The following ZNF679 variants were observed in gnomAD, a reference collection of about 807,000 sequenced individuals.
The protein encoded by ZNF679 is hypothetical protein MGC42415.
ZNF679 carries 10 observed loss-of-function variants against 13.4 expected under a neutral mutation model. The observed-to-expected ratio is 0.75, with a 90% CI of 0.46 to 1.27. ZNF679 has a LOEUF of 1.27. Ranked by LOEUF, ZNF679 falls within the 50% of genes most tolerant of loss-of-function variation. The pLI, the probability that ZNF679 is intolerant of heterozygous loss-of-function variation, is 0.00. For missense variants in ZNF679, 525 were observed against 477.8 expected, an observed-to-expected ratio of 1.10 and a Z score of -0.92; for synonymous variants, 179 against 162.5, an observed-to-expected ratio of 1.10 and a Z score of -0.77.
At chr7:64,245,782 G>T (rs1273262055) in intron 1 of ZNF679, among the ~76,000 whole-genome samples, 2 of 152,184 alleles carry the variant, frequency 1.3e-5, no homozygotes, top group African/African-American at 4.8e-5. Flanking sequence ...CGAGGTGGTG[G>T]ATCAGCTGAG....
Position 64,249,065 on chromosome 7 carries a change from T to C in ZNF679, c.-53T>C, listed in dbSNP as rs921314447. The C allele has an allele frequency of 4.0e-5, 64 of 1,612,762 alleles. 1 individual carries two copies. The highest frequency in any genetic ancestry group is 2.7e-4 in the South Asian group (25 of 90,996). On this transcript the variant is annotated 5_prime_UTR_variant, in exon 2 of 5. Coordinates refer to ENST00000421025, the MANE Select transcript of ZNF679 (RefSeq NM_153363.3). ...TCTCTTCACTGCTCTGCGTCCTCTG[T>C]TCCTAGAGGCCAAGCCACTGTGGCC...
rs774179783 is a variant in ZNF679 at position 64,257,804 on chromosome 7, T to C, written c.40-2417T>C. ...AAATGTAGTGGGTGTAAGGGACTCT[T>C]TGCTGTGCCTGCTTTCTCTCGCTAA... On this transcript the variant is annotated intron_variant, in intron 2 of 4. Coordinates refer to ENST00000421025, the MANE Select transcript of ZNF679 (RefSeq NM_153363.3). Among the ~76,000 whole-genome samples, 22 of 152,332 alleles carry C rather than the reference T, an allele frequency of 1.4e-4. No individual in the cohort carries two copies. The Middle Eastern group carries it at 0.014, about 94-fold the overall frequency.
intron 4 of ZNF679, among the ~76,000 whole-genome samples, chr7:64,264,078 T>G (rs1032931120): frequency 3.3e-5 from 5 of 152,098 alleles, no homozygotes; most frequent in African/African-American, 9.6e-5. Context: ...TAGATAGACA[T>G]AATAGTTATA....
chr7:64,249,208 G>A (rs775231255), intron 2 of ZNF679, 52 bp downstream of exon 2: 34 of 1,613,794 alleles, frequency 2.1e-5, no homozygotes, highest in African/African-American at 6.7e-5. Flanking sequence ...GGTTGGAACC[G>A]GCTGAAAGTG....
chr7:64,245,863 G>T (rs1176313010), intron 1 of ZNF679, among the ~76,000 whole-genome samples: 1 of 152,120 alleles, frequency 6.6e-6, no homozygotes, highest in African/African-American at 2.4e-5. Context: ...AAAATTATCT[G>T]GGTGTGGTGG....
chr7:64,234,925 C>T (rs117594801), intron 1 of ZNF679, among the ~76,000 whole-genome samples: 5,434 of 152,198 alleles, frequency 0.036, 171 homozygotes, highest in East Asian at 0.16. Context: ...GAAACCTCTA[C>T]CTCCAGGGTT....
chr7:64,235,084 T>C (rs1201659987), intron 1 of ZNF679, among the ~76,000 whole-genome samples: 1 of 152,156 alleles, frequency 6.6e-6, no homozygotes, highest in Non-Finnish European at 1.5e-5. Context: ...GTGATACACC[T>C]GCTTCAGCCT....
intron 1 of ZNF679, 110 bp from the exon 2 acceptor site, chr7:64,248,917 AC>A (rs1787903924): frequency 1.3e-6 from 1 of 788,924 alleles, no homozygotes; most frequent in Non-Finnish European, 2.0e-6. Context: ...GGGTCCTGAA[AC>A]CTTATCCAAT....
chr7:64,246,960 G>A (rs762301523), intron 1 of ZNF679, among the ~76,000 whole-genome samples: 1 of 152,194 alleles, frequency 6.6e-6, no homozygotes, highest in Non-Finnish European at 1.5e-5. Context: ...GATTGTTCAT[G>A]AGTTTTGCAA....
chr7:64,260,313 G>A lies in ZNF679; in HGVS notation c.132G>A (p.Val44=). ...DHAQQNLYRD[V]MLENYRNLVS... ...CTCAGCAGAATTTATATAGAGATGT[G>A]ATGTTAGAGAACTACAGAAACCTGG... Residue 44 remains valine, a synonymous_variant, in exon 3 of 5, where the codon GTG becomes GTA. Transcript: ENST00000421025. 1.9e-6 allele frequency: 3 copies of A among 1,612,262 alleles called. No individual in the cohort carries two copies. The African/African-American group carries it at 4.0e-5, about 22-fold the overall frequency.
At chr7:64,250,024 TAG>T (rs1787924233) in intron 2 of ZNF679, among the ~76,000 whole-genome samples, 2 of 152,016 alleles carry the variant, frequency 1.3e-5, no homozygotes, top group Admixed American at 6.6e-5. Context: ...GTATTTTTAG[TAG>T]AGATGGGGTT....
chr7:64,255,254 C>T (rs931601833), intron 2 of ZNF679, among the ~76,000 whole-genome samples: 2 of 152,144 alleles, frequency 1.3e-5, no homozygotes, highest in African/African-American at 4.8e-5. Context: ...TCTTTCACCG[C>T]TACCACCACA....
chr7:64,235,250 G>A (rs1226216991), intron 1 of ZNF679, among the ~76,000 whole-genome samples: 4 of 151,240 alleles, frequency 2.6e-5, no homozygotes, highest in Admixed American at 6.6e-5. Flanking sequence ...ACAACCCATG[G>A]GCCAAAGAGA....
intron 1 of ZNF679, among the ~76,000 whole-genome samples, chr7:64,233,606 T>C (rs1562838870): frequency 1.3e-5 from 2 of 152,174 alleles, no homozygotes; most frequent in Admixed American, 1.3e-4. Context: ...GGGGCAGTGC[T>C]CCTCCCCCAA....
chr7:64,255,327 G>C (rs1166113522), intron 2 of ZNF679, among the ~76,000 whole-genome samples: 1 of 152,144 alleles, frequency 6.6e-6, no homozygotes, highest in East Asian at 1.9e-4. Flanking sequence ...CCAGGACTAG[G>C]TATCACCCTC....
chr7:64,236,973 G>A (rs200237002), intron 1 of ZNF679, among the ~76,000 whole-genome samples: 15 of 53,734 alleles, frequency 2.8e-4, no homozygotes, highest in South Asian at 2.5e-3. Context: ...AAGAAAGAAA[G>A]AAAAAGAAAG....
chr7:64,246,096 G>C (rs1584230156), intron 1 of ZNF679, among the ~76,000 whole-genome samples: 1 of 152,180 alleles, frequency 6.6e-6, no homozygotes, highest in African/African-American at 2.4e-5. Context: ...ACGGAGAGGG[G>C]CCTCTCACCC....
intron 1 of ZNF679, among the ~76,000 whole-genome samples, chr7:64,247,608 C>A (rs747185501): frequency 6.6e-6 from 1 of 152,068 alleles, no homozygotes; most frequent in African/African-American, 2.4e-5. Context: ...GGCTATATTG[C>A]GGTGGCACGA....
intron 1 of ZNF679, among the ~76,000 whole-genome samples, chr7:64,236,965 GAAAGAAAGAAAA>G (rs1384638871): frequency 4.7e-4 from 16 of 34,046 alleles, no homozygotes; most frequent in African/African-American, 1.6e-3. Flanking sequence ...AAGAAAGAAA[GAAAGAAAGAAAA>G]AGAAAGAAAG....
Sources: allele counts gnomAD v4.1 joint callset (sites outside exome capture counted in the v4.1 genomes callset), GRCh38; gene constraint gnomAD v4.1.1; transcripts MANE v1.5; gene names NCBI Gene and HGNC (gene_info 2026-07-23, HGNC 2026-07-21).